The following OPALIN variants were observed in gnomAD, a reference collection of about 807,000 sequenced individuals.
OPALIN encodes transmembrane protein 10.
In OPALIN, 15 loss-of-function variants were observed where a neutral mutation model predicts 17.8. The observed-to-expected ratio is 0.84, with a 90% confidence interval of 0.56 to 1.29. The LOEUF is 1.29. Among genes scored for constraint, OPALIN ranks in the 50% most tolerant of loss-of-function variants. The probability of loss-of-function intolerance (pLI) is 0.00; values close to 1 mark genes in which losing one functional copy is unlikely to be tolerated. For synonymous variants in OPALIN, 62 were observed against 63.8 expected, an observed-to-expected ratio of 0.97 and a Z score of 0.14; for missense variants, 170 against 176.0, an observed-to-expected ratio of 0.97 and a Z score of 0.19.
At position 96,345,816 on chromosome 10, in the gene OPALIN, C is replaced by T; in HGVS notation, c.*125G>A. Reference sequence around the variant, plus strand: ...AGAGACAAATCAGCCCCAAAGTGTTCCAGAGCTGTAAATGAAATTTGGATT... The same window carrying T: ...AGAGACAAATCAGCCCCAAAGTGTTTCAGAGCTGTAAATGAAATTTGGATT... On this transcript the variant is annotated 3_prime_UTR_variant, in exon 6 of 6. Transcript: ENST00000371172. 2.2e-6 allele frequency: 2 copies of T among 893,422 alleles called. No homozygotes were observed. The highest frequency in any genetic ancestry group is 3.4e-6 in the Non-Finnish European group (2 of 580,664). 55.3% of individuals were successfully genotyped at this position (893,422 alleles called of 1,614,324 possible).
At chr10:96,352,187 A>C (rs1845612634) in intron 2 of OPALIN, among the ~76,000 whole-genome samples, 1 of 152,128 alleles carries the variant, frequency 6.6e-6, no homozygotes, top group Admixed American at 6.6e-5. Context: ...TATTAGGAGG[A>C]TTGAATGAGG....
intron 1 of OPALIN, among the ~76,000 whole-genome samples, chr10:96,355,634 G>T (rs1428306616): frequency 1.3e-5 from 2 of 152,214 alleles, no homozygotes; most frequent in Non-Finnish European, 2.9e-5. Context: ...CTAAAATTAT[G>T]TTTATTCCCT....
Position 96,345,749 on chromosome 10 carries a change from G to T in OPALIN, c.*192C>A. 1 of 559,476 alleles carries T rather than the reference G, an allele frequency of 1.8e-6. No homozygotes were observed. The highest frequency in any genetic ancestry group is 3.1e-6 in the Non-Finnish European group (1 of 317,912). The allele number at this position is 559,476 out of a possible 1,614,324, so 34.7% of individuals were successfully genotyped here. A position where few individuals can be genotyped will look rare whatever the true frequency, so the allele number is the denominator to read the frequency against. ...GTCACATGTACTAACTAAAGCACAAGATCTGAGAGTTGGAATTAACCATGT... is the reference window on the plus strand; with the variant it reads ...GTCACATGTACTAACTAAAGCACAATATCTGAGAGTTGGAATTAACCATGT... On this transcript the variant is annotated 3_prime_UTR_variant, in exon 6 of 6. Transcript: ENST00000371172.
rs1845212682 is a variant in OPALIN, at chr10:96,344,252, A to G, written c.*1689T>C. On this transcript the variant is annotated 3_prime_UTR_variant, in exon 6 of 6. Coordinates refer to ENST00000371172, the MANE Select transcript of OPALIN (RefSeq NM_033207.5). ...ACTCTTGCCTTCCCCGCGGCCCCCC[A>G]TCTTTACTTTCAACACACACACAGT... 1 of 152,410 alleles carries G rather than the reference A, an allele frequency of 6.6e-6. No homozygotes were observed. The highest frequency in any genetic ancestry group is 6.6e-5 in the Admixed American group (1 of 15,248). 9.4% of individuals were successfully genotyped at this position (152,410 alleles called of 1,614,324 possible).
chr10:96,355,332 A>G (rs1031338828), intron 1 of OPALIN, 42 bp from the exon 2 acceptor site: 1 of 1,593,554 alleles, frequency 6.3e-7, no homozygotes, highest in Admixed American at 1.7e-5. Flanking sequence ...AGGGATGGTC[A>G]GCAAGCTCCT....
At position 96,349,721 on chromosome 10, in the gene OPALIN, T is replaced by C. The variant is rs2134016767; in HGVS notation, c.178A>G (p.Ile60Val). The change falls in exon 4 of 6, where the codon ATT becomes GTT. Residue 60 changes from isoleucine (I) to valine (V), a missense_variant. By Grantham distance (29) the Ile-to-Val change is conservative. Coordinates refer to ENST00000371172, the MANE Select transcript of OPALIN (RefSeq NM_033207.5). ...FTLIHRRRSS[I>V]EAMEESDRPC... The stretch of plus-strand genomic sequence containing the variant: ...CTAGTAATCACCTCCATGGCCTCAA[T>C]GCTGCTTCTTCTTCGGTGAATCAAA... The C allele has an allele frequency of 2.5e-6, 4 of 1,613,966 alleles. No individual in the cohort carries two copies. The East Asian group carries it at 6.7e-5, about 27-fold the overall frequency.
intron 1 of OPALIN, 70 bp from the exon 2 acceptor site, chr10:96,355,360 T>A: frequency 7.1e-7 from 1 of 1,411,754 alleles, no homozygotes; most frequent in African/African-American, 1.4e-5. Context: ...TTCCTCAAAC[T>A]CACTGACCCT....
rs1452626443 is a variant in OPALIN at position 96,349,955 on chromosome 10, G to A, written c.73-129C>T. ...ATAAACGTCATATACAAAATCAAAA[G>A]GGTAATGAAATACTGTGCAAAAATG... is the stretch of plus-strand genomic sequence containing the variant. On this transcript the variant is annotated intron_variant, in intron 3 of 5. Coordinates refer to ENST00000371172, the MANE Select transcript of OPALIN (RefSeq NM_033207.5). 4 of 1,030,816 alleles carry A rather than the reference G, an allele frequency of 3.9e-6. No homozygotes were observed. In the African/African-American group the frequency reaches 4.9e-5, roughly 13 times the overall value. 63.9% of individuals were successfully genotyped at this position (1,030,816 alleles called of 1,614,324 possible). A position where few individuals can be genotyped will look rare whatever the true frequency, so the allele number is the denominator to read the frequency against.
intron 2 of OPALIN, among the ~76,000 whole-genome samples, chr10:96,355,005 G>C (rs554455277): frequency 6.7e-6 from 1 of 148,552 alleles, no homozygotes; most frequent in East Asian, 2.0e-4. Context: ...GCTGAGGCAG[G>C]AGAATCGCTT....
intron 1 of OPALIN, among the ~76,000 whole-genome samples, chr10:96,356,534 C>T (rs1845826514): frequency 6.6e-6 from 1 of 152,090 alleles, no homozygotes; most frequent in Non-Finnish European, 1.5e-5. Flanking sequence ...GCCAATGGGC[C>T]GCAGTCTATG....
intron 2 of OPALIN, among the ~76,000 whole-genome samples, 166 bp downstream of exon 2, chr10:96,355,089 C>A (rs536745952): frequency 4.3e-5 from 4 of 92,930 alleles, no homozygotes; most frequent in African/African-American, 1.3e-4. Flanking sequence ...AGAGCAAGAC[C>A]TTGTCTCAAA....
chr10:96,358,848 T>C, intron 1 of OPALIN, 46 bp downstream of exon 1: 2 of 1,605,110 alleles, frequency 1.2e-6, no homozygotes, highest in Admixed American at 1.7e-5. Context: ...TTTTTTATAG[T>C]AAGAAATGAA....
rs144715395 is a variant in OPALIN at position 96,355,191 on chromosome 10, C to A, written c.39+64G>T. ...GAGGGGTTTATGTGAGTTCTGGAGA[C>A]CTACTGTAAATTCTGCACTGGTCTT... On this transcript the variant is annotated intron_variant, in intron 2 of 5. Transcript: ENST00000371172. 370 of 1,323,550 alleles carry A rather than the reference C, an allele frequency of 2.8e-4. No individual in the cohort carries two copies. The African/African-American group carries it at 5.0e-3, about 18-fold the overall frequency. The allele number at this position is 1,323,550 out of a possible 1,614,324, so 82.0% of individuals were successfully genotyped here. A position where few individuals can be genotyped will look rare whatever the true frequency, so the allele number is the denominator to read the frequency against.
At chr10:96,352,681 TAAAA>T (rs72007324) in intron 2 of OPALIN, among the ~76,000 whole-genome samples, 5 of 96,762 alleles carry the variant, frequency 5.2e-5, no homozygotes, top group Admixed American at 1.1e-4. Context: ...TGGCTTTCAC[TAAAA>T]AAAAAAAAAA....
intron 2 of OPALIN, among the ~76,000 whole-genome samples, chr10:96,352,376 G>A (rs896688569): frequency 6.6e-6 from 1 of 152,024 alleles, no homozygotes. Flanking sequence ...GAGAAGTTAT[G>A]GGGCTTGTCC....
At chr10:96,346,283 T>C (rs1453884850) in intron 5 of OPALIN, among the ~76,000 whole-genome samples, 166 bp from the exon 6 acceptor site, 1 of 152,208 alleles carries the variant, frequency 6.6e-6, no homozygotes, top group Non-Finnish European at 1.5e-5. Context: ...GGAGGGACAA[T>C]GGTCCTGGAG....
chr10:96,354,409 C>T (rs1269889588), intron 2 of OPALIN, among the ~76,000 whole-genome samples: 3 of 152,142 alleles, frequency 2.0e-5, no homozygotes, highest in Non-Finnish European at 4.4e-5. Context: ...TAAGGATTCT[C>T]TAAAATGCCA....
chr10:96,349,678 C>T, intron 4 of OPALIN, 29 bp downstream of exon 4: 2 of 1,607,512 alleles, frequency 1.2e-6, no homozygotes, highest in Non-Finnish European at 1.7e-6. Context: ...GCTGCCTATA[C>T]ATCTGGACCC....
At position 96,343,901 on chromosome 10, in the gene OPALIN, A is replaced by G. The variant is rs934295443; in HGVS notation, c.*2040T>C. ...TGTGGCTCATGGAGCTGCTGGATGA[A>G]CTTAAGATGCCCTGGACCCAGGCCT... On this transcript the variant is annotated 3_prime_UTR_variant, in exon 6 of 6. Coordinates refer to ENST00000371172, the MANE Select transcript of OPALIN (RefSeq NM_033207.5). The G allele has an allele frequency of 6.6e-6, 1 of 152,230 alleles. No homozygotes were observed. 9.4% of individuals were successfully genotyped at this position (152,230 alleles called of 1,614,324 possible). A position where few individuals can be genotyped will look rare whatever the true frequency, so the allele number is the denominator to read the frequency against.
Sources: gnomAD v4.1 joint callset for allele counts (sites outside exome capture counted in the v4.1 genomes callset) on GRCh38, gnomAD v4.1.1 for gene constraint, MANE v1.5 for transcripts, NCBI Gene and HGNC (gene_info 2026-07-23, HGNC 2026-07-21) for gene names.